The following TSPEAR variants were observed in gnomAD, a reference collection of about 807,000 sequenced individuals.
TSPEAR encodes the protein thrombospondin type laminin G domain and EAR repeats, also known as thrombospondin-type laminin G domain and EAR repeat-containing protein.
In TSPEAR, 69 loss-of-function variants were observed where a neutral mutation model predicts 71.6. That is an observed-to-expected ratio of 0.96 (90% CI 0.79 to 1.18). The LOEUF is 1.18. TSPEAR is among the 50% of genes most tolerant of loss of function. The pLI is 0.00. For missense variants in TSPEAR, 971 were observed against 894.9 expected, an observed-to-expected ratio of 1.09 and a Z score of -1.09; for synonymous variants, 402 against 387.2, an observed-to-expected ratio of 1.04 and a Z score of -0.45.
intron 1 of TSPEAR, among the ~76,000 whole-genome samples, chr21:44,653,969 G>A (rs782529606): frequency 1.5e-4 from 23 of 152,200 alleles, no homozygotes; most frequent in Non-Finnish European, 2.5e-4. Flanking sequence ...AAGACACTGA[G>A]GAGAAGGCAT....
Position 44,527,362 on chromosome 21 carries a change from T to C in TSPEAR, c.1079A>G (p.Lys360Arg), listed in dbSNP as rs375829414. Reference sequence around the variant, plus strand: ...GGGGATGTTCTGATATGAGACGAACTTCTCTTCGGTCCACTTGTAGACGGC... The same window carrying C: ...GGGGATGTTCTGATATGAGACGAACCTCTCTTCGGTCCACTTGTAGACGGC... ...TSAVYKWTEEKFVSYQNIPTH... is the reference protein window; with the variant it reads ...TSAVYKWTEERFVSYQNIPTH... The change falls in exon 7 of 12, where the codon AAG becomes AGG. Residue 360 changes from lysine to arginine, a missense_variant. Physicochemically the swap from Lys to Arg is conservative, Grantham distance 26. Transcript: ENST00000323084. 3.7e-5 allele frequency: 59 copies of C among 1,614,062 alleles called. No individual in the cohort carries two copies. Among genetic ancestry groups the C allele is most frequent in the Admixed American group, 5.0e-5 (3 of 60,006 alleles).
chr21:44,577,261 T>C lies in TSPEAR; in HGVS notation c.83-9256A>G, dbSNP rs139708954. 5.2e-3 allele frequency among the ~76,000 whole-genome samples: 794 copies of C among 152,190 alleles called. 4 individuals carry two copies. Among genetic ancestry groups the C allele is most frequent in the African/African-American group, 0.018 (757 of 41,522 alleles). On this transcript the variant is annotated intron_variant, in intron 1 of 11. Coordinates refer to ENST00000323084, the MANE Select transcript of TSPEAR (RefSeq NM_144991.3). ...TGTTGAACCCAAAAATAACTAGAAA[T>C]AATAAAATAATCAAGAATTTAAAAA...
intron 1 of TSPEAR, among the ~76,000 whole-genome samples, chr21:44,703,296 C>CA (rs1161941073): frequency 4.6e-5 from 7 of 152,262 alleles, no homozygotes; most frequent in African/African-American, 1.7e-4. Flanking sequence ...CCCATCCCCA[C>CA]AGCCCAGGCC....
In TSPEAR at chr21:44,623,020, C is replaced by T. The variant is rs781794739; in HGVS notation, c.83-55015G>A. ...TTTTGCCATGTGACATGCCCACTCC[C>T]CCTTCACCTTCCACCATGAGCAAAG... is the stretch of plus-strand genomic sequence containing the variant. On this transcript the variant is annotated intron_variant, in intron 1 of 11. Coordinates refer to ENST00000323084, the MANE Select transcript of TSPEAR (RefSeq NM_144991.3). This position sits in a 1 kb window ranked among gnomAD's most constrained non-coding sequence, Gnocchi z 4.5. 3.3e-5 allele frequency among the ~76,000 whole-genome samples: 5 copies of T among 152,204 alleles called. No individual in the cohort carries two copies. Among genetic ancestry groups the T allele is most frequent in the Admixed American group, 1.3e-4 (2 of 15,286 alleles).
At chr21:44,507,363 G>C (rs992573834) in intron 10 of TSPEAR, among the ~76,000 whole-genome samples, 26 of 152,348 alleles carry the variant, frequency 1.7e-4, no homozygotes, top group Middle Eastern at 3.4e-3. Context: ...GTTACACACA[G>C]AAGCCACAAA....
At chr21:44,563,176 T>G (rs1337140919) in intron 2 of TSPEAR, among the ~76,000 whole-genome samples, 2 of 151,988 alleles carry the variant, frequency 1.3e-5, no homozygotes, top group Non-Finnish European at 2.9e-5. Context: ...ATGAAGAGAA[T>G]CAGAAATGAT....
At chr21:44,567,689 A>G in intron 2 of TSPEAR, 96 bp downstream of exon 2, 1 of 1,087,640 alleles carries the variant, frequency 9.2e-7, no homozygotes, top group East Asian at 2.7e-5. Flanking sequence ...AGTCCTTGAC[A>G]AATGCCGCCC....
chr21:44,515,321 C>T (rs1330410133), intron 9 of TSPEAR, among the ~76,000 whole-genome samples: 1 of 152,216 alleles, frequency 6.6e-6, no homozygotes, highest in Non-Finnish European at 1.5e-5. Flanking sequence ...TGCGTGGTCC[C>T]AGCGCCTTCC....
intron 1 of TSPEAR, among the ~76,000 whole-genome samples, chr21:44,661,367 TAAGTAAAAGTAAAAC>T (rs1218337133): frequency 1.1e-4 from 16 of 148,466 alleles, no homozygotes; most frequent in African/African-American, 4.0e-4. Context: ...GTTTTTAACA[TAAGTAAAAGTAAAAC>T]ATGGCAACAA....
At chr21:44,664,399 A>C (rs1555944279) in intron 1 of TSPEAR, among the ~76,000 whole-genome samples, 1 of 152,224 alleles carries the variant, frequency 6.6e-6, no homozygotes. Context: ...GTATACATTG[A>C]AAACTACAAA....
intron 2 of TSPEAR, among the ~76,000 whole-genome samples, chr21:44,538,828 G>A (rs1392720835): frequency 1.3e-5 from 2 of 152,274 alleles, no homozygotes; most frequent in South Asian, 2.1e-4. Context: ...GGGAGTGACC[G>A]TGAGTCCCAC....
chr21:44,519,957 A>C (rs587758702), intron 9 of TSPEAR: 1 of 152,320 alleles, frequency 6.6e-6, no homozygotes, highest in Non-Finnish European at 1.5e-5. Flanking sequence ...ACCAAGGCCA[A>C]TGGCTGGAAG....
At chr21:44,701,832 C>T (rs1369430566) in intron 1 of TSPEAR, among the ~76,000 whole-genome samples, 1 of 151,802 alleles carries the variant, frequency 6.6e-6, no homozygotes, top group Non-Finnish European at 1.5e-5. Flanking sequence ...GGTCCCCGTC[C>T]CGGGGTTGGG....
rs148567268 is a variant in TSPEAR at position 44,710,073 on chromosome 21, C to T, written c.82+1360G>A. 1.4e-3 allele frequency among the ~76,000 whole-genome samples: 211 copies of T among 147,444 alleles called. No homozygotes were observed. The highest frequency in any genetic ancestry group is 2.6e-3 in the Non-Finnish European group (172 of 65,546). ...TGAAAATACATGTCTGTGACTCATG[C>T]CCCCCCACCCCCACTCCAGGGTGTG... On this transcript the variant is annotated intron_variant, in intron 1 of 11. Coordinates refer to ENST00000323084, the MANE Select transcript of TSPEAR (RefSeq NM_144991.3). The surrounding 1 kb of genome is among the most constrained non-coding windows in gnomAD (Gnocchi z 4.6).
intron 1 of TSPEAR, among the ~76,000 whole-genome samples, chr21:44,632,212 C>A (rs140880615): frequency 5.3e-5 from 8 of 152,172 alleles, no homozygotes; most frequent in African/African-American, 1.4e-4. Flanking sequence ...AAGATCCACA[C>A]AGAAACACAA....
intron 2 of TSPEAR, among the ~76,000 whole-genome samples, chr21:44,565,133 A>C (rs1169650602): frequency 2.6e-5 from 4 of 152,166 alleles, no homozygotes; most frequent in Admixed American, 2.6e-4. Context: ...GAGATGCAGC[A>C]AAAGTATTGC....
At chr21:44,674,549 T>C (rs1555946552) in intron 1 of TSPEAR, among the ~76,000 whole-genome samples, 1 of 151,960 alleles carries the variant, frequency 6.6e-6, no homozygotes, top group African/African-American at 2.4e-5. Context: ...AACACCCAAC[T>C]CTATAAAAAA....
chr21:44,662,226 A>G (rs766285432), intron 1 of TSPEAR, among the ~76,000 whole-genome samples: 3 of 152,214 alleles, frequency 2.0e-5, no homozygotes, highest in Non-Finnish European at 2.9e-5. Flanking sequence ...TCAGGACCCA[A>G]CTATATTCTA....
Position 44,619,413 on chromosome 21 carries a change from G to A in TSPEAR, c.83-51408C>T, listed in dbSNP as rs370669057. On this transcript the variant is annotated intron_variant, in intron 1 of 11. Coordinates refer to ENST00000323084, the MANE Select transcript of TSPEAR (RefSeq NM_144991.3). ...TACCCAGAAATATCCCTTTGTAATT[G>A]TCACTGTGCAGTTTTCACCAGAGGC... Among the ~76,000 whole-genome samples, 8 of 152,344 alleles carry A rather than the reference G, an allele frequency of 5.3e-5. 1 individual carries two copies. The highest frequency in any genetic ancestry group is 1.3e-4 in the Admixed American group (2 of 15,306).
Sources: gnomAD v4.1 joint callset for allele counts (sites outside exome capture counted in the v4.1 genomes callset) on GRCh38, gnomAD v4.1.1 for gene constraint, Gnocchi (gnomAD v3.1) non-coding constraint, MANE v1.5 for transcripts, NCBI Gene and HGNC (gene_info 2026-07-23, HGNC 2026-07-21) for gene names.